CLCN6: variants seen among roughly 807,000 people sequenced by gnomAD.
CLCN6 encodes H(+)/Cl(-) exchange transporter 6.
CLCN6 carries 70 observed loss-of-function variants against 109.8 expected under a neutral mutation model. The observed-to-expected ratio is 0.64, with a 90% CI of 0.53 to 0.78. CLCN6 has a LOEUF of 0.78. Ranked by LOEUF, CLCN6 falls within the 30% of genes least tolerant of loss-of-function variation. The pLI is 0.00. For missense variants in CLCN6, 984 were observed against 1,142.3 expected (o/e 0.86, Z 2.00); for synonymous variants, 444 against 447.8 (o/e 0.99, Z 0.11).
intron 22 of CLCN6, 162 bp downstream of exon 22, chr1:11,838,822 G>T: frequency 9.5e-7 from 1 of 1,054,590 alleles, no homozygotes; most frequent in Non-Finnish European, 1.5e-6. Context: ...CGTGCACTCG[G>T]GACCCTTTCC....
intron 12 of CLCN6, 34 bp downstream of exon 12, chr1:11,828,658 T>C: frequency 1.3e-6 from 2 of 1,564,294 alleles, no homozygotes; most frequent in Non-Finnish European, 1.7e-6. Flanking sequence ...CCGAGCCTGC[T>C]GCGGCTCCCT....
intron 4 of CLCN6, among the ~76,000 whole-genome samples, chr1:11,818,740 T>G (rs934106164): frequency 1.3e-5 from 2 of 152,234 alleles, no homozygotes; most frequent in Admixed American, 6.5e-5. Flanking sequence ...GGAATTTGGT[T>G]GTTTTCTCTA....
chr1:11,832,664 A>G (rs1198991924), intron 13 of CLCN6, among the ~76,000 whole-genome samples: 2 of 152,248 alleles, frequency 1.3e-5, no homozygotes, highest in East Asian at 3.8e-4. Context: ...GCATCTCCAC[A>G]GCTGTGTCAT....
intron 2 of CLCN6, 38 bp downstream of exon 2, chr1:11,807,228 T>G (rs200063388): frequency 7.0e-6 from 11 of 1,573,888 alleles, no homozygotes; most frequent in Non-Finnish European, 9.6e-6. Context: ...ACTAAAGTAG[T>G]GAGTGGCCTG....
intron 22 of CLCN6, chr1:11,838,948 G>T: frequency 1.4e-6 from 1 of 711,754 alleles, no homozygotes; most frequent in Non-Finnish European, 2.6e-6. Flanking sequence ...CGTACCACTG[G>T]TGTTCCTTGG....
rs371212478 is a variant in CLCN6, at chr1:11,826,196, C to T, written c.689C>T (p.Pro230Leu). ...ISLRKIQFNF[P>L]YFRSDRDKRD... is the part of the protein sequence containing the mutation. ...TTACGGAAGATCCAGTTTAACTTCCCCTATTTCCGAAGCGACAGGTATGGA... is the reference window on the plus strand; with the variant it reads ...TTACGGAAGATCCAGTTTAACTTCCTCTATTTCCGAAGCGACAGGTATGGA... The change falls in exon 9 of 23, where the codon CCC becomes CTC. Residue 230 changes from proline (P) to leucine (L), a missense_variant. Physicochemically the swap from Pro to Leu is moderately conservative, Grantham distance 98 (BLOSUM62 -3). Coordinates refer to ENST00000346436, the MANE Select transcript of CLCN6 (RefSeq NM_001286.5). 221 of 1,613,846 alleles carry T rather than the reference C, an allele frequency of 1.4e-4. No homozygotes were observed. Among genetic ancestry groups the T allele is most frequent in the Non-Finnish European group, 1.8e-4 (218 of 1,179,848 alleles).
At chr1:11,832,201 G>A (rs1272589814) in intron 13 of CLCN6, among the ~76,000 whole-genome samples, 1 of 152,156 alleles carries the variant, frequency 6.6e-6, no homozygotes, top group African/African-American at 2.4e-5. Flanking sequence ...ATAGTGAGAG[G>A]GTAGGTGTTG....
intron 13 of CLCN6, 119 bp from the exon 14 acceptor site, chr1:11,833,396 C>A: frequency 1.1e-6 from 1 of 929,082 alleles, no homozygotes; most frequent in Non-Finnish European, 1.7e-6. Flanking sequence ...CAGTTTTTGG[C>A]CTGTTTGATT....
At position 11,806,261 on chromosome 1, in the gene CLCN6, A is replaced by G. The variant is rs1644505943; in HGVS notation, c.-2A>G. ...GGTCCAGAGTGGCAGTAAAGGAGGAAGATGGCGGGGTGCAGGGGGTCTCTG... is the reference window on the plus strand; with the variant it reads ...GGTCCAGAGTGGCAGTAAAGGAGGAGGATGGCGGGGTGCAGGGGGTCTCTG... On this transcript the variant is annotated 5_prime_UTR_variant, in exon 1 of 23. Transcript: ENST00000346436. 6.8e-7 allele frequency: 1 copy of G among 1,465,134 alleles called. No homozygotes were observed. The highest frequency in any genetic ancestry group is 2.7e-5 in the East Asian group (1 of 36,376). 90.8% of individuals were successfully genotyped at this position (1,465,134 alleles called of 1,614,324 possible). A position where few individuals can be genotyped will look rare whatever the true frequency, so the allele number is the denominator to read the frequency against.
At chr1:11,828,045 T>C (rs1644834871) in intron 10 of CLCN6, 61 bp from the exon 11 acceptor site, 8 of 1,241,470 alleles carry the variant, frequency 6.4e-6, no homozygotes, top group Non-Finnish European at 9.5e-6. Context: ...GGAGGAAGGG[T>C]TGGGAGAGAG....
intron 2 of CLCN6, among the ~76,000 whole-genome samples, chr1:11,809,867 A>G (rs772724930): frequency 6.6e-6 from 1 of 152,232 alleles, no homozygotes; most frequent in Admixed American, 6.5e-5. Context: ...TGTAAGAACA[A>G]ATTCAGGCAC....
rs973664197 is a variant in CLCN6, at chr1:11,840,504, C to G, written c.*281C>G. 8 of 518,066 alleles carry G rather than the reference C, an allele frequency of 1.5e-5. No individual in the cohort carries two copies. Among genetic ancestry groups the G allele is most frequent in the South Asian group, 1.5e-4 (7 of 46,450 alleles). 32.1% of individuals were successfully genotyped at this position (518,066 alleles called of 1,614,324 possible). ...TGGCACAGGCCCACCCCTGGCTCCA[C>G]CAGAGCCAGAAGCAGAGGTAGAATC... On this transcript the variant is annotated 3_prime_UTR_variant, in exon 23 of 23. Coordinates refer to ENST00000346436, the MANE Select transcript of CLCN6 (RefSeq NM_001286.5).
chr1:11,839,040 C>T, intron 22 of CLCN6: 1 of 614,238 alleles, frequency 1.6e-6, no homozygotes, highest in South Asian at 1.9e-5. Context: ...ATATAAAACA[C>T]CTAGTAATTA....
At chr1:11,823,620 C>A in intron 6 of CLCN6, 87 bp from the exon 7 acceptor site, 1 of 1,571,110 alleles carries the variant, frequency 6.4e-7, no homozygotes, top group Non-Finnish European at 8.7e-7. Flanking sequence ...GTGGCCAGCT[C>A]TCCCTCTTCC....
intron 8 of CLCN6, among the ~76,000 whole-genome samples, chr1:11,825,105 A>G (rs1046615898): frequency 3.3e-5 from 5 of 152,202 alleles, no homozygotes; most frequent in African/African-American, 1.2e-4. Flanking sequence ...TACTAGCTCG[A>G]GACCTCAAAG....
chr1:11,829,838 G>T (rs1644858459), intron 13 of CLCN6: 1 of 159,060 alleles, frequency 6.3e-6, no homozygotes, highest in African/African-American at 2.4e-5. Flanking sequence ...CAACACTCAT[G>T]GGAAACAGAC....
chr1:11,820,404 G>A (rs1050855549), intron 5 of CLCN6: 7 of 715,956 alleles, frequency 9.8e-6, no homozygotes, highest in African/African-American at 8.7e-5. Flanking sequence ...ACAAAACTTC[G>A]GGAGACTATA....
Position 11,833,938 on chromosome 1 carries a change from G to T in CLCN6, c.1434G>T (p.Trp478Cys). The change falls in exon 15 of 23, where the codon TGG becomes TGT. Residue 478 changes from tryptophan (W) to cysteine (C), a missense_variant. Trp to Cys is a radical substitution (Grantham distance 215). Transcript: ENST00000346436. ...TTCTCTATTTCTTGCTTGCATGTTG[G>T]ACTTACGGCATTTCTGTTCCAAGTG... The part of the protein sequence containing the change: ...FFVLYFLLAC[W>C]TYGISVPSGL... 1 of 1,614,008 alleles carries T rather than the reference G, an allele frequency of 6.2e-7. No individual in the cohort carries two copies. The highest frequency in any genetic ancestry group is 8.5e-7 in the Non-Finnish European group (1 of 1,179,986).
chr1:11,806,298 C>T lies in CLCN6; in HGVS notation c.36C>T (p.Cys12=). ...AGCRGSLCCC[C]RWCCCCGERE... The stretch of plus-strand genomic sequence containing the variant: ...GCAGGGGGTCTCTGTGCTGCTGCTG[C>T]AGGTGGTGCTGCTGCTGCGGTGAGC... The change falls in exon 1 of 23, where the codon TGC becomes TGT. Residue 12 remains cysteine (C), a synonymous_variant. Transcript: ENST00000346436. 2.6e-6 allele frequency: 4 copies of T among 1,510,106 alleles called. No homozygotes were observed. Among genetic ancestry groups the T allele is most frequent in the Non-Finnish European group, 3.5e-6 (4 of 1,140,714 alleles). 93.5% of individuals were successfully genotyped at this position (1,510,106 alleles called of 1,614,324 possible).
Sources: gnomAD v4.1 joint callset for allele counts (sites outside exome capture counted in the v4.1 genomes callset) on GRCh38, gnomAD v4.1.1 for gene constraint, MANE v1.5 for transcripts, NCBI Gene and HGNC (gene_info 2026-07-23, HGNC 2026-07-21) for gene names.